Variants in RYR3 observed in about 807,000 individuals in gnomAD.
RYR3 encodes brain ryanodine receptor-calcium release channel.
RYR3 carries 207 observed loss-of-function variants against 584.3 expected under a neutral mutation model. The ratio of observed to expected loss-of-function variants is 0.35; its 90% confidence interval spans 0.32 to 0.40. RYR3 has a LOEUF of 0.40. RYR3 is among the 10% of genes least tolerant of loss of function. The pLI, the probability that RYR3 is intolerant of heterozygous loss-of-function variation, is 1.00. For synonymous variants in RYR3, 2,416 were observed against 2,248.5 expected (o/e 1.07, Z -2.11); for missense variants, 5,616 against 6,089.2 (o/e 0.92, Z 2.59).
At chr15:33,418,665 A>T (rs1045871844) in intron 1 of RYR3, among the ~76,000 whole-genome samples, 3 of 152,132 alleles carry the variant, frequency 2.0e-5, no homozygotes. Flanking sequence ...GTTTTAAGAC[A>T]ACTACCCCCT....
intron 48 of RYR3, among the ~76,000 whole-genome samples, chr15:33,733,842 A>T (rs2069167357): frequency 1.3e-5 from 2 of 152,330 alleles, no homozygotes; most frequent in African/African-American, 4.8e-5. Context: ...CCAGGGATAT[A>T]TGAGAACTCT....
chr15:33,752,169 C>T (rs534630030), intron 57 of RYR3, among the ~76,000 whole-genome samples: 12 of 152,284 alleles, frequency 7.9e-5, no homozygotes, highest in African/African-American at 2.2e-4. Flanking sequence ...AGCGTGATGG[C>T]TCCAGCTTTG....
At chr15:33,335,514 G>A (rs1190751250) in intron 1 of RYR3, among the ~76,000 whole-genome samples, 2 of 152,084 alleles carry the variant, frequency 1.3e-5, no homozygotes, top group African/African-American at 2.4e-5. Context: ...AACAGCATAC[G>A]TTGGGGCCTA....
chr15:33,697,557 T>G (rs1321932618), intron 39 of RYR3, among the ~76,000 whole-genome samples: 1 of 152,206 alleles, frequency 6.6e-6, no homozygotes, highest in African/African-American at 2.4e-5. Context: ...TGTCGTGAGT[T>G]TTTAAAGACT....
intron 2 of RYR3, among the ~76,000 whole-genome samples, chr15:33,502,344 CTTA>C: frequency 6.6e-6 from 1 of 152,200 alleles, no homozygotes; most frequent in Admixed American, 6.5e-5. Context: ...TTGTCGGAGC[CTTA>C]GTAACAGACT....
At chr15:33,623,076 A>G (rs2060806438) in intron 19 of RYR3, among the ~76,000 whole-genome samples, 1 of 152,106 alleles carries the variant, frequency 6.6e-6, no homozygotes, top group Non-Finnish European at 1.5e-5. Flanking sequence ...CCCAGTGAGC[A>G]CTGCAGGAGG....
At chr15:33,314,981 GAGAT>G (rs1967950840) in intron 1 of RYR3, among the ~76,000 whole-genome samples, 1 of 152,076 alleles carries the variant, frequency 6.6e-6, no homozygotes, top group Non-Finnish European at 1.5e-5. Flanking sequence ...AACTCAGAGT[GAGAT>G]AGACATTTGT....
chr15:33,321,568 G>A (rs1468345821), intron 1 of RYR3, among the ~76,000 whole-genome samples: 3 of 152,192 alleles, frequency 2.0e-5, no homozygotes, highest in Non-Finnish European at 4.4e-5. Context: ...GTGTGTAGAA[G>A]GGCCCATGGA....
chr15:33,579,033 C>T (rs779068035), intron 12 of RYR3, among the ~76,000 whole-genome samples: 3 of 151,882 alleles, frequency 2.0e-5, no homozygotes, highest in Non-Finnish European at 4.4e-5. Flanking sequence ...GAGATTAAAA[C>T]AGAAAAAGAG....
intron 38 of RYR3, among the ~76,000 whole-genome samples, chr15:33,695,991 C>CGCTTTGTGGCCCAG (rs1566969164): frequency 7.6e-6 from 1 of 132,254 alleles, no homozygotes; most frequent in Non-Finnish European, 1.6e-5. Context: ...AACAGGGTCT[C>CGCTTTGTGGCCCAG]GCTTTGTGGC....
intron 16 of RYR3, among the ~76,000 whole-genome samples, chr15:33,588,511 G>T (rs1266157067): frequency 6.6e-6 from 1 of 151,902 alleles, no homozygotes; most frequent in Admixed American, 6.6e-5. Context: ...TTGTTACCTG[G>T]ATATATTGTG....
chr15:33,312,050 A>G (rs1009846039), intron 1 of RYR3, among the ~76,000 whole-genome samples: 3 of 152,390 alleles, frequency 2.0e-5, no homozygotes, highest in African/African-American at 4.8e-5. Flanking sequence ...TGTGTAAAAT[A>G]AAATGTAACC....
At chr15:33,375,086 C>T (rs1193417852) in intron 1 of RYR3, among the ~76,000 whole-genome samples, 9 of 152,104 alleles carry the variant, frequency 5.9e-5, no homozygotes, top group Non-Finnish European at 1.3e-4. Flanking sequence ...AGATGGAGTT[C>T]AGTTTGAATC....
intron 11 of RYR3, among the ~76,000 whole-genome samples, chr15:33,563,734 A>G (rs1019071505): frequency 2.0e-5 from 3 of 152,180 alleles, no homozygotes; most frequent in Non-Finnish European, 4.4e-5. Flanking sequence ...ATAGCAGCCT[A>G]AGGTAGTCAT....
At chr15:33,523,906 C>A (rs1462547183) in intron 3 of RYR3, among the ~76,000 whole-genome samples, 3 of 151,958 alleles carry the variant, frequency 2.0e-5, no homozygotes, top group Non-Finnish European at 4.4e-5. Context: ...CGTGTAACAC[C>A]AAGGGTAAAG....
chr15:33,541,003 A>G, intron 7 of RYR3, 113 bp downstream of exon 7: 4 of 658,016 alleles, frequency 6.1e-6, no homozygotes, highest in Non-Finnish European at 1.1e-5. Context: ...GTACACAGGT[A>G]GCCTGATTTT....
intron 92 of RYR3, among the ~76,000 whole-genome samples, 181 bp downstream of exon 92, chr15:33,843,755 CAA>C (rs1330571910): frequency 6.6e-6 from 1 of 152,326 alleles, no homozygotes; most frequent in South Asian, 2.1e-4. Flanking sequence ...AGACTACTGA[CAA>C]GAGAGCCAGT....
intron 1 of RYR3, among the ~76,000 whole-genome samples, chr15:33,410,842 A>T (rs1323523065): frequency 6.6e-6 from 1 of 152,234 alleles, no homozygotes; most frequent in Non-Finnish European, 1.5e-5. Context: ...TCACAGTTCC[A>T]CATGGCTGGG....
chr15:33,319,985 G>C (rs11636417), intron 1 of RYR3, among the ~76,000 whole-genome samples: 2,094 of 152,178 alleles, frequency 0.014, 30 homozygotes, highest in Non-Finnish European at 0.021. Context: ...TGTAAATCAG[G>C]CTTTATTTGC....
Sources: gnomAD v4.1 joint callset for allele counts (sites outside exome capture counted in the v4.1 genomes callset) on GRCh38, gnomAD v4.1.1 for gene constraint, MANE v1.5 for transcripts, NCBI Gene and HGNC (gene_info 2026-07-23, HGNC 2026-07-21) for gene names.